CLINT1: variants seen among roughly 807,000 people sequenced by gnomAD.
CLINT1 encodes the protein clathrin interactor 1, also known as clathrin interacting protein localized in the trans-Golgi region.
Under a neutral mutation model 70.4 loss-of-function variants are expected in CLINT1, and 15 were observed. The ratio of observed to expected loss-of-function variants is 0.21; its 90% CI spans 0.14 to 0.33. The LOEUF (loss-of-function observed/expected upper bound fraction) is 0.33, where lower values mean the gene tolerates loss of function less well. CLINT1 is among the 10% of genes least tolerant of loss of function. The pLI, the probability that CLINT1 is intolerant of heterozygous loss-of-function variation, is 1.00. For missense variants in CLINT1, 615 were observed against 778.1 expected, an observed-to-expected ratio of 0.79 and a Z score of 2.49; for synonymous variants, 227 against 254.7, an observed-to-expected ratio of 0.89 and a Z score of 1.04.
In CLINT1 at chr5:157,787,844, G is replaced by T. The variant is rs563718460; in HGVS notation, c.1680C>A (p.Thr560=). ...TATTTCCAAGAGGGGCCATTCCCAT[G>T]GTGCCAGTCATCACATTGGGCATGC... ...PMSMPNVMTG[T]MGMAPLGNTP... is the part of the protein sequence containing the mutation. Residue 560 remains threonine (T), a synonymous_variant, in exon 12 of 12, where the codon ACC becomes ACA. Coordinates refer to ENST00000411809, the MANE Select transcript of CLINT1 (RefSeq NM_014666.4). 1.1e-5 allele frequency: 18 copies of T among 1,613,916 alleles called. No homozygotes were observed. The East Asian group carries it at 2.7e-4, about 24-fold the overall frequency.
chr5:157,858,833 G>A lies in CLINT1; in HGVS notation c.41+97C>T, dbSNP rs973973759. On this transcript the variant is annotated intron_variant, in intron 1 of 11. Coordinates refer to ENST00000411809, the MANE Select transcript of CLINT1 (RefSeq NM_014666.4). Reference sequence around the variant, plus strand: ...CATGATGGGGCTGGCAGAGCCAGGGGGCGTGACGTGGGCAACCCCTAGCCC... The same window carrying A: ...CATGATGGGGCTGGCAGAGCCAGGGAGCGTGACGTGGGCAACCCCTAGCCC... 10 of 1,313,600 alleles carry A rather than the reference G, an allele frequency of 7.6e-6. No individual in the cohort carries two copies. The African/African-American group carries it at 9.0e-5, about 12-fold the overall frequency. The allele number at this position is 1,313,600 out of a possible 1,614,324, so 81.4% of individuals were successfully genotyped here.
intron 1 of CLINT1, among the ~76,000 whole-genome samples, chr5:157,828,474 C>T (rs946476846): frequency 6.6e-6 from 1 of 151,930 alleles, no homozygotes; most frequent in Non-Finnish European, 1.5e-5. Flanking sequence ...AGTATATGAA[C>T]GCTAACAACT....
At chr5:157,831,105 T>A (rs935937106) in intron 1 of CLINT1, among the ~76,000 whole-genome samples, 1 of 152,020 alleles carries the variant, frequency 6.6e-6, no homozygotes, top group African/African-American at 2.4e-5. Context: ...AATTCTCACT[T>A]GTTTTTAGCT....
In CLINT1 at chr5:157,787,526, A is replaced by T; in HGVS notation, c.*120T>A. On this transcript the variant is annotated 3_prime_UTR_variant, in exon 12 of 12. Transcript: ENST00000411809. ...TATAAAACAGCCTTTTTGGTTCTTT[A>T]TGTAGATTTATTTTAATTACTTGAT... 4.5e-6 allele frequency: 4 copies of T among 885,168 alleles called. No individual in the cohort carries two copies. Among genetic ancestry groups the T allele is most frequent in the Admixed American group, 4.8e-5 (2 of 41,458 alleles). The allele number at this position is 885,168 out of a possible 1,614,324, so 54.8% of individuals were successfully genotyped here. A position where few individuals can be genotyped will look rare whatever the true frequency, so the allele number is the denominator to read the frequency against.
At chr5:157,789,688 G>A (rs1761843285) in intron 10 of CLINT1, 175 bp from the exon 11 acceptor site, 1 of 778,160 alleles carries the variant, frequency 1.3e-6, no homozygotes, top group African/African-American at 1.7e-5. Flanking sequence ...CTATGCTAAT[G>A]TCTTCAATAC....
At chr5:157,831,103 CTT>C (rs1201306896) in intron 1 of CLINT1, among the ~76,000 whole-genome samples, 2 of 151,624 alleles carry the variant, frequency 1.3e-5, no homozygotes, top group East Asian at 3.9e-4. Flanking sequence ...AAAATTCTCA[CTT>C]GTTTTTAGCT....
At chr5:157,857,245 T>C (rs1406978486) in intron 1 of CLINT1, among the ~76,000 whole-genome samples, 3 of 142,802 alleles carry the variant, frequency 2.1e-5, no homozygotes, top group Non-Finnish European at 4.6e-5. Context: ...AAAAAAAAGG[T>C]AGCTTTTAGT....
intron 5 of CLINT1, 62 bp downstream of exon 5, chr5:157,813,001 T>G (rs1762608544): frequency 6.6e-7 from 1 of 1,520,128 alleles, no homozygotes; most frequent in Non-Finnish European, 8.9e-7. Context: ...TTTCACTGAT[T>G]CTTAAAATAT....
chr5:157,828,927 TAAAAAAA>T (rs11379662), intron 1 of CLINT1, among the ~76,000 whole-genome samples: 6 of 103,376 alleles, frequency 5.8e-5, no homozygotes, highest in African/African-American at 1.2e-4. Flanking sequence ...TGTCTCTACT[TAAAAAAA>T]AAAAAAAAAA....
chr5:157,826,968 T>C (rs1394260507), intron 1 of CLINT1, among the ~76,000 whole-genome samples: 8 of 152,196 alleles, frequency 5.3e-5, no homozygotes, highest in Admixed American at 6.5e-5. Context: ...AAATACATGG[T>C]AACTTGCTTA....
At chr5:157,825,676 C>T (rs994843568) in intron 1 of CLINT1, among the ~76,000 whole-genome samples, 1 of 152,112 alleles carries the variant, frequency 6.6e-6, no homozygotes, top group African/African-American at 2.4e-5. Flanking sequence ...ATTTTTTCCT[C>T]CTGACATGAT....
Position 157,847,324 on chromosome 5 carries a change from C to T in CLINT1, c.41+11606G>A, listed in dbSNP as rs548803396. Among the ~76,000 whole-genome samples the T allele has an allele frequency of 3.8e-4, 58 of 152,014 alleles. 1 individual carries two copies. The highest frequency in any genetic ancestry group is 1.8e-3 in the Admixed American group (27 of 15,242). On this transcript the variant is annotated intron_variant, in intron 1 of 11. Coordinates refer to ENST00000411809, the MANE Select transcript of CLINT1 (RefSeq NM_014666.4). Reference sequence around the variant, plus strand: ...TTCAAGGCTAGCCTCAGCAACATAGCGAAACCTCATCTCTACAGAAAACTT... The same window carrying T: ...TTCAAGGCTAGCCTCAGCAACATAGTGAAACCTCATCTCTACAGAAAACTT...
intron 1 of CLINT1, 31 bp from the exon 2 acceptor site, chr5:157,817,578 C>T (rs959745876): frequency 7.3e-7 from 1 of 1,377,854 alleles, no homozygotes; most frequent in Admixed American, 1.9e-5. Context: ...CGCACACATG[C>T]ACAAAGATTA....
chr5:157,795,613 C>T (rs1022760846), intron 8 of CLINT1: 5 of 151,958 alleles, frequency 3.3e-5, no homozygotes, highest in Admixed American at 2.0e-4. Flanking sequence ...GATGAACAAA[C>T]AGTACACAAC....
At chr5:157,801,898 G>A (rs1005559502) in intron 8 of CLINT1, among the ~76,000 whole-genome samples, 52 of 146,382 alleles carry the variant, frequency 3.6e-4, no homozygotes, top group African/African-American at 1.3e-3. Context: ...TTAAGTTAAA[G>A]TTTTTTTTTT....
At position 157,787,856 on chromosome 5, in the gene CLINT1, C is replaced by A. The variant is rs1164120003; in HGVS notation, c.1668G>T (p.Val556=). 6.2e-7 allele frequency: 1 copy of A among 1,613,926 alleles called. No homozygotes were observed. Among genetic ancestry groups the A allele is most frequent in the East Asian group, 2.2e-5 (1 of 44,870 alleles). Residue 556 remains valine, a synonymous_variant, in exon 12 of 12, where the codon GTG becomes GTT. Transcript: ENST00000411809. ...GGPMPMSMPN[V]MTGTMGMAPL... ...GGGCCATTCCCATGGTGCCAGTCAT[C>A]ACATTGGGCATGCTCATAGGCATGG...
At chr5:157,831,273 C>T (rs1001631770) in intron 1 of CLINT1, among the ~76,000 whole-genome samples, 29 of 151,648 alleles carry the variant, frequency 1.9e-4, no homozygotes, top group Admixed American at 1.2e-3. Flanking sequence ...CCGCAACCTC[C>T]GCCTCCCAGG....
At chr5:157,833,564 T>C (rs1004110158) in intron 1 of CLINT1, among the ~76,000 whole-genome samples, 3 of 152,054 alleles carry the variant, frequency 2.0e-5, no homozygotes, top group African/African-American at 7.2e-5. Flanking sequence ...CCAAGAAACC[T>C]TCCTTAACTC....
intron 1 of CLINT1, among the ~76,000 whole-genome samples, chr5:157,825,675 T>G (rs1763013127): frequency 6.6e-6 from 1 of 152,182 alleles, no homozygotes; most frequent in Non-Finnish European, 1.5e-5. Flanking sequence ...AATTTTTTCC[T>G]CCTGACATGA....
Sources: gnomAD v4.1 joint callset for allele counts (sites outside exome capture counted in the v4.1 genomes callset) on GRCh38, gnomAD v4.1.1 for gene constraint, MANE v1.5 for transcripts, NCBI Gene and HGNC (gene_info 2026-07-23, HGNC 2026-07-21) for gene names.